UBR3: variants seen among roughly 807,000 people sequenced by gnomAD.
The protein encoded by UBR3 is ubiquitin protein ligase E3 component n-recognin 3.
Under a neutral mutation model 243.2 loss-of-function variants are expected in UBR3, and 85 were observed. The ratio of observed to expected loss-of-function variants is 0.35; its 90% CI spans 0.29 to 0.42. UBR3 has a LOEUF of 0.42. UBR3 is among the 10% of genes least tolerant of loss of function. UBR3 has a pLI of 1.00. For missense variants in UBR3, 1,686 were observed against 2,300.8 expected, an observed-to-expected ratio of 0.73 and a Z score of 5.47; for synonymous variants, 748 against 799.8, an observed-to-expected ratio of 0.94 and a Z score of 1.09.
At position 170,011,191 on chromosome 2, in the gene UBR3, TA is replaced by T. The variant is rs1008410056; in HGVS notation, c.4367+2254del. On this transcript the variant is annotated intron_variant, in intron 29 of 38. Coordinates refer to ENST00000272793, the MANE Select transcript of UBR3 (RefSeq NM_172070.4). Reference sequence around the variant, plus strand: ...CTGTCTAAAGAAATAAAAAATAAGATAAACAAATTGACTCAGAAATTAACAA... The same window carrying T: ...CTGTCTAAAGAAATAAAAAATAAGATAACAAATTGACTCAGAAATTAACAA... Among the ~76,000 whole-genome samples the T allele has an allele frequency of 1.6e-4, 24 of 151,950 alleles. No individual in the cohort carries two copies. The Middle Eastern group carries it at 0.014, about 87-fold the overall frequency.
intron 9 of UBR3, among the ~76,000 whole-genome samples, 161 bp downstream of exon 9, chr2:169,905,454 A>G (rs1048153620): frequency 6.6e-6 from 1 of 152,242 alleles, no homozygotes; most frequent in Non-Finnish European, 1.5e-5. Context: ...TTGTTCATAA[A>G]ACATACCAAG....
chr2:169,960,418 G>A (rs2087518910), intron 24 of UBR3, among the ~76,000 whole-genome samples: 1 of 151,492 alleles, frequency 6.6e-6, no homozygotes, highest in African/African-American at 2.4e-5. Context: ...ATGGTCCCAA[G>A]CGTTTCAGAT....
chr2:170,077,394 G>A, intron 36 of UBR3: 1 of 1,171,836 alleles, frequency 8.5e-7, no homozygotes, highest in East Asian at 2.4e-5. Context: ...TTGGGAATGA[G>A]GGACTCTTCT....
intron 31 of UBR3, among the ~76,000 whole-genome samples, chr2:170,035,847 T>C (rs1222102968): frequency 1.4e-5 from 2 of 145,140 alleles, no homozygotes; most frequent in African/African-American, 2.5e-5. Flanking sequence ...ATCAGAGTTT[T>C]GTCATTTTCC....
intron 17 of UBR3, among the ~76,000 whole-genome samples, chr2:169,928,525 A>G (rs2085995042): frequency 2.0e-5 from 3 of 152,202 alleles, no homozygotes; most frequent in South Asian, 4.1e-4. Flanking sequence ...GTAGGCTCCT[A>G]GATTAAACAT....
chr2:169,873,763 T>A (rs1223361373), intron 2 of UBR3, among the ~76,000 whole-genome samples: 1 of 152,212 alleles, frequency 6.6e-6, no homozygotes, highest in Non-Finnish European at 1.5e-5. Flanking sequence ...TACTGTCTCT[T>A]CGGAATGAAG....
At chr2:169,999,502 A>T (rs755341347) in intron 26 of UBR3, among the ~76,000 whole-genome samples, 7 of 152,224 alleles carry the variant, frequency 4.6e-5, no homozygotes, top group Non-Finnish European at 1.0e-4. Context: ...ATAAAAATAA[A>T]ATTTAAAGAT....
At position 169,827,662 on chromosome 2, in the gene UBR3, A is replaced by C; in HGVS notation, c.155A>C (p.Gln52Pro). The change falls in exon 1 of 39, where the codon CAG becomes CCG. Residue 52 changes from glutamine to proline, a missense_variant. Coordinates refer to ENST00000272793, the MANE Select transcript of UBR3 (RefSeq NM_172070.4). ...AACCGCGCAGGTGCTGAGGAGCTGC[A>C]GGCGCTGCTGGAGCGGGTGCTGAGC... ...PDNRAGAEEL[Q>P]ALLERVLSAE... The C allele has an allele frequency of 8.1e-7, 1 of 1,237,868 alleles. No homozygotes were observed. The highest frequency in any genetic ancestry group is 1.0e-6 in the Non-Finnish European group (1 of 993,042). The allele number at this position is 1,237,868 out of a possible 1,614,324, so 76.7% of individuals were successfully genotyped here.
chr2:169,988,998 T>A (rs927014943), intron 25 of UBR3, among the ~76,000 whole-genome samples: 2 of 152,120 alleles, frequency 1.3e-5, no homozygotes, highest in Admixed American at 6.5e-5. Context: ...GATTTGAATA[T>A]GGAAAATTTT....
At chr2:169,960,095 CA>C (rs1219731335) in intron 24 of UBR3, among the ~76,000 whole-genome samples, 2 of 151,520 alleles carry the variant, frequency 1.3e-5, no homozygotes, top group South Asian at 2.1e-4. Context: ...ACTAAAAATA[CA>C]AAAAAATTAG....
At chr2:169,841,668 A>G (rs2082294505) in intron 1 of UBR3, among the ~76,000 whole-genome samples, 1 of 152,204 alleles carries the variant, frequency 6.6e-6, no homozygotes, top group South Asian at 2.1e-4. Context: ...TGGGGGACTT[A>G]GCACCCGGGC....
chr2:169,836,065 A>T (rs1358516354), intron 1 of UBR3, among the ~76,000 whole-genome samples: 9,335 of 27,886 alleles, frequency 0.33, 2,286 homozygotes, highest in East Asian at 0.45. Flanking sequence ...ATATATATAT[A>T]TATTTTTTTT....
At chr2:169,874,188 G>A in intron 2 of UBR3, among the ~76,000 whole-genome samples, 1 of 148,236 alleles carries the variant, frequency 6.7e-6, no homozygotes, top group East Asian at 2.0e-4. Flanking sequence ...TTTTTTTTGA[G>A]ATGGAGTTTC....
chr2:169,963,538 G>A (rs1355624369), intron 24 of UBR3, among the ~76,000 whole-genome samples: 1 of 151,732 alleles, frequency 6.6e-6, no homozygotes, highest in African/African-American at 2.4e-5. Context: ...AAAAAAGAAT[G>A]CGGGACAAAA....
rs141000368 is a variant in UBR3, at chr2:170,061,245, G to A, written c.4893+59G>A. ...TTTAGTAAAAAATTTACATTTTCTT[G>A]CCATTATGAATGTAATTTTTAAAAA... On this transcript the variant is annotated intron_variant, in intron 34 of 38. Transcript: ENST00000272793. 683 of 1,580,848 alleles carry A rather than the reference G, an allele frequency of 4.3e-4. 5 individuals carry two copies. In the African/African-American group the frequency reaches 8.3e-3, roughly 19 times the overall value.
At chr2:169,829,286 A>T (rs2081848858) in intron 1 of UBR3, among the ~76,000 whole-genome samples, 1 of 152,188 alleles carries the variant, frequency 6.6e-6, no homozygotes, top group Non-Finnish European at 1.5e-5. Flanking sequence ...AAAGTAATAA[A>T]TTCCTTAAAC....
At chr2:169,927,549 C>A in intron 17 of UBR3, 144 bp downstream of exon 17, 5 of 581,124 alleles carry the variant, frequency 8.6e-6, no homozygotes, top group Non-Finnish European at 1.4e-5. Flanking sequence ...GTTGTGTGCT[C>A]AAGTATGTAT....
intron 23 of UBR3, among the ~76,000 whole-genome samples, chr2:169,950,603 T>A (rs1178694537): frequency 6.6e-6 from 1 of 150,950 alleles, no homozygotes; most frequent in Non-Finnish European, 1.5e-5. Context: ...TTTTTTTTCA[T>A]CTTTTGACTT....
intron 36 of UBR3, chr2:170,077,429 A>G (rs867415769): frequency 1.0e-5 from 15 of 1,488,738 alleles, no homozygotes; most frequent in Middle Eastern, 4.4e-4. Context: ...GTTAGGCAAA[A>G]GGTGGCTTTC....
Sources: gnomAD v4.1 joint callset for allele counts (sites outside exome capture counted in the v4.1 genomes callset) on GRCh38, gnomAD v4.1.1 for gene constraint, MANE v1.5 for transcripts, NCBI Gene and HGNC (gene_info 2026-07-23, HGNC 2026-07-21) for gene names.